The following WDR7 variants were observed in gnomAD, a reference collection of about 807,000 sequenced individuals.
WDR7 encodes WD repeat-containing protein 7.
A neutral mutation model predicts 169.4 loss-of-function variants in WDR7; 46 were observed. That is an observed-to-expected ratio of 0.27 (90% CI 0.21 to 0.35). WDR7 has a LOEUF of 0.35. Among genes scored for constraint, WDR7 ranks in the 10% least tolerant of loss-of-function variants. The pLI, the probability that WDR7 is intolerant of heterozygous loss-of-function variation, is 1.00. For synonymous variants in WDR7, 612 were observed against 666.8 expected (o/e 0.92, Z 1.27); for missense variants, 1,534 against 1,859.3 (o/e 0.83, Z 3.22).
intron 21 of WDR7, among the ~76,000 whole-genome samples, chr18:56,881,217 A>G (rs893324287): frequency 6.6e-6 from 1 of 152,176 alleles, no homozygotes; most frequent in Non-Finnish European, 1.5e-5. Context: ...TCATTCAACA[A>G]ATACTTATTA....
intron 21 of WDR7, among the ~76,000 whole-genome samples, chr18:56,886,929 A>G (rs55972294): frequency 0.025 from 3,824 of 152,308 alleles, 71 homozygotes; most frequent in Middle Eastern, 0.095. Flanking sequence ...AAATATCACA[A>G]TTTTAAATAT....
chr18:56,799,081 T>C (rs1443777867), intron 19 of WDR7, among the ~76,000 whole-genome samples: 1 of 152,104 alleles, frequency 6.6e-6, no homozygotes, highest in Non-Finnish European at 1.5e-5. Flanking sequence ...TATAGTGTAT[T>C]AGGAAGGCAG....
At chr18:56,810,324 C>G (rs1358388356) in intron 19 of WDR7, among the ~76,000 whole-genome samples, 2 of 152,090 alleles carry the variant, frequency 1.3e-5, no homozygotes, top group Non-Finnish European at 2.9e-5. Flanking sequence ...TCAGTTTCTC[C>G]TACCCCTTTA....
chr18:56,703,137 T>C (rs1012579525), intron 12 of WDR7, among the ~76,000 whole-genome samples: 4 of 152,194 alleles, frequency 2.6e-5, no homozygotes, highest in Admixed American at 1.3e-4. Context: ...GGAATGTGCG[T>C]CATCTAACCT....
chr18:56,983,784 G>T (rs2047677636), intron 26 of WDR7, among the ~76,000 whole-genome samples: 1 of 152,090 alleles, frequency 6.6e-6, no homozygotes. Flanking sequence ...ATAATTGTCA[G>T]TGAAAAAGGG....
intron 26 of WDR7, among the ~76,000 whole-genome samples, chr18:57,014,409 C>T (rs987283645): frequency 2.6e-5 from 4 of 151,342 alleles, no homozygotes; most frequent in African/African-American, 7.3e-5. Flanking sequence ...GTAATCCCAG[C>T]ACTTTGGGAG....
At chr18:57,010,962 C>T (rs772727479) in intron 26 of WDR7, among the ~76,000 whole-genome samples, 2 of 152,076 alleles carry the variant, frequency 1.3e-5, no homozygotes, top group African/African-American at 2.4e-5. Flanking sequence ...TGGTAAGCAA[C>T]GATTGGCTTA....
chr18:56,891,996 A>T (rs983745214), intron 21 of WDR7, among the ~76,000 whole-genome samples: 13 of 152,196 alleles, frequency 8.5e-5, no homozygotes, highest in African/African-American at 3.1e-4. Flanking sequence ...TATGTTGTAT[A>T]ACAGCTTTAT....
At chr18:56,779,996 T>C (rs748747645) in intron 18 of WDR7, among the ~76,000 whole-genome samples, 1 of 152,212 alleles carries the variant, frequency 6.6e-6, no homozygotes, top group Non-Finnish European at 1.5e-5. Context: ...TGGGTTTAAA[T>C]ATCAGTCCCA....
chr18:56,789,979 C>T (rs1256476869), intron 19 of WDR7, among the ~76,000 whole-genome samples: 14 of 152,142 alleles, frequency 9.2e-5, no homozygotes, highest in Non-Finnish European at 1.2e-4. Context: ...ATTCTAGTGG[C>T]CTTTGCTATA....
intron 25 of WDR7, among the ~76,000 whole-genome samples, chr18:56,949,870 T>G (rs778011777): frequency 2.6e-5 from 4 of 152,218 alleles, no homozygotes; most frequent in Non-Finnish European, 5.9e-5. Flanking sequence ...GCACATTTGC[T>G]AATATTACTG....
intron 16 of WDR7, among the ~76,000 whole-genome samples, chr18:56,772,734 A>G (rs1460063094): frequency 6.6e-6 from 1 of 151,006 alleles, no homozygotes. Context: ...AAAATAATAT[A>G]TAGATAGTAT....
chr18:56,686,812 A>T (rs572523013), intron 6 of WDR7, 43 bp from the exon 7 acceptor site: 2 of 1,450,268 alleles, frequency 1.4e-6, no homozygotes, highest in South Asian at 2.4e-5. Flanking sequence ...ATTTTAATTG[A>T]CAATCATGCT....
intron 1 of WDR7, among the ~76,000 whole-genome samples, chr18:56,654,320 C>T (rs556627155): frequency 2.6e-5 from 4 of 152,222 alleles, no homozygotes; most frequent in South Asian, 4.1e-4. Flanking sequence ...TTAGAAGAGA[C>T]GGAGTTTCAC....
intron 12 of WDR7, among the ~76,000 whole-genome samples, chr18:56,712,678 T>C (rs1037382625): frequency 6.6e-6 from 1 of 152,232 alleles, no homozygotes; most frequent in Non-Finnish European, 1.5e-5. Flanking sequence ...TGTAAAATAC[T>C]ATCTAAGTTG....
chr18:57,013,421 TGAC>T (rs1428500866), intron 26 of WDR7, among the ~76,000 whole-genome samples: 1 of 152,220 alleles, frequency 6.6e-6, no homozygotes, highest in African/African-American at 2.4e-5. Context: ...ATTTCAAGGA[TGAC>T]GACAACTGTT....
Position 56,923,953 on chromosome 18 carries a change from T to C in WDR7, c.3558T>C (p.Pro1186=). 1 of 1,581,200 alleles carries C rather than the reference T, an allele frequency of 6.3e-7. No homozygotes were observed. Among genetic ancestry groups the C allele is most frequent in the Non-Finnish European group, 8.6e-7 (1 of 1,167,948 alleles). Residue 1186 remains proline (P), a synonymous_variant, in exon 22 of 28, where the codon CCT becomes CCC. Transcript: ENST00000254442. ...CACTGACGTTTCTTCTGCTACAGCC[T>C]CCAAGCCCCAAACTTCCTCCACACA... The part of the protein sequence containing the change: ...CKALTFLLLQ[P]PSPKLPPHST...
intron 7 of WDR7, among the ~76,000 whole-genome samples, chr18:56,689,660 C>A (rs1406050182): frequency 6.6e-6 from 1 of 152,054 alleles, no homozygotes; most frequent in Admixed American, 6.6e-5. Context: ...TCAGATGGAC[C>A]CCCCCAGTTC....
intron 19 of WDR7, among the ~76,000 whole-genome samples, chr18:56,784,940 A>G (rs1426236372): frequency 6.6e-6 from 1 of 151,976 alleles, no homozygotes; most frequent in African/African-American, 2.4e-5. Context: ...TGAAAGACAA[A>G]CATGCATTCT....
Sources: allele counts gnomAD v4.1 joint callset (sites outside exome capture counted in the v4.1 genomes callset), GRCh38; gene constraint gnomAD v4.1.1; transcripts MANE v1.5; gene names NCBI Gene and HGNC (gene_info 2026-07-23, HGNC 2026-07-21).